Variants in ABCG1 observed in about 807,000 individuals in gnomAD.
ABCG1 encodes the protein ATP binding cassette subfamily G member 1.
A neutral mutation model predicts 69.2 loss-of-function variants in ABCG1; 29 were observed. The ratio of observed to expected loss-of-function variants is 0.42; its 90% CI spans 0.31 to 0.57. The LOEUF is 0.57. ABCG1 is among the 20% of genes least tolerant of loss of function. The probability of loss-of-function intolerance (pLI) is 0.15; values close to 1 mark genes in which losing one functional copy is unlikely to be tolerated. For missense variants in ABCG1, 718 were observed against 898.1 expected (o/e 0.80, Z 2.56); for synonymous variants, 370 against 374.8 (o/e 0.99, Z 0.15).
At chr21:42,218,008 G>C (rs2067661459), upstream of ABCG1, among the ~76,000 whole-genome samples, 1 of 152,080 alleles carries the variant, frequency 6.6e-6, no homozygotes, top group African/African-American at 2.4e-5. Flanking sequence ...CAAAGGCAAG[G>C]CCTCCCACTT....
At chr21:42,248,902 C>A (rs76044094) in intron 2 of ABCG1, among the ~76,000 whole-genome samples, 527 of 90,740 alleles carry the variant, frequency 5.8e-3, no homozygotes, top group South Asian at 0.011. Flanking sequence ...AGACCTCTCT[C>A]AAAAAAAAAA....
chr21:42,229,284 T>C lies in ABCG1; in HGVS notation c.286+3370T>C, dbSNP rs116074544. On this transcript the variant is annotated intron_variant, in intron 2 of 14. Coordinates refer to ENST00000398449, the MANE Select transcript of ABCG1 (RefSeq NM_016818.3). The stretch of plus-strand genomic sequence containing the variant: ...ACTGCTCTCAGTATATTCATTTTGC[T>C]GTCTGTATCAAGTCCATTGTTTTCA... 8.3e-3 allele frequency among the ~76,000 whole-genome samples: 1,270 copies of C among 152,372 alleles called. 20 individuals are homozygous for C. The highest frequency in any genetic ancestry group is 0.029 in the African/African-American group (1,212 of 41,584).
At chr21:42,246,529 T>G (rs116937511) in intron 2 of ABCG1, among the ~76,000 whole-genome samples, 2,919 of 152,364 alleles carry the variant, frequency 0.019, 38 homozygotes, top group South Asian at 0.027. Flanking sequence ...TCATGAGCTT[T>G]TAAGTTTCTT....
At chr21:42,249,190 A>C (rs1416639044) in intron 2 of ABCG1, among the ~76,000 whole-genome samples, 1 of 152,218 alleles carries the variant, frequency 6.6e-6, no homozygotes, top group Non-Finnish European at 1.5e-5. Flanking sequence ...GAGAGTGGGG[A>C]CATCTGGTGA....
chr21:42,264,258 TA>T (rs1356737309), intron 2 of ABCG1, among the ~76,000 whole-genome samples: 2 of 152,266 alleles, frequency 1.3e-5, no homozygotes, highest in African/African-American at 4.8e-5. Context: ...TCTAATGTTC[TA>T]AAAGTGGCTC....
intron 2 of ABCG1, among the ~76,000 whole-genome samples, chr21:42,246,411 A>T (rs564169181): frequency 1.1e-4 from 16 of 152,350 alleles, no homozygotes; most frequent in African/African-American, 3.8e-4. Context: ...AAATAATCTC[A>T]GTCCATGTGC....
At position 42,276,992 on chromosome 21, in the gene ABCG1, C is replaced by T. The variant is rs201964021; in HGVS notation, c.588+47C>T. On this transcript the variant is annotated intron_variant, in intron 5 of 14. Transcript: ENST00000398449. This position sits in a 1 kb window ranked among gnomAD's most constrained non-coding sequence, Gnocchi z 5.3. ...CACAAGTGGTCCAGAAAGTGCATGA[C>T]GTGCATGTGGAAGGTGTGCCTGCCG... 1.2e-4 allele frequency: 199 copies of T among 1,598,656 alleles called. 1 individual carries two copies. The African/African-American group carries it at 2.4e-3, about 20-fold the overall frequency.
Position 42,296,484 on chromosome 21 carries a change from A to G in ABCG1, c.*92A>G, listed in dbSNP as rs2146365415. 1.7e-6 allele frequency: 2 copies of G among 1,169,710 alleles called. No individual in the cohort carries two copies. Among genetic ancestry groups the G allele is most frequent in the South Asian group, 2.6e-5 (2 of 75,638 alleles). 72.5% of individuals were successfully genotyped at this position (1,169,710 alleles called of 1,614,324 possible). On this transcript the variant is annotated 3_prime_UTR_variant, in exon 15 of 15. Coordinates refer to ENST00000398449, the MANE Select transcript of ABCG1 (RefSeq NM_016818.3). The surrounding 1 kb of genome is among the most constrained non-coding windows in gnomAD (Gnocchi z 5.4). ...GGCAAGCCTGTGCCCGACCGACGAC[A>G]CAGAGACTCTTCTGATCCAACCCCT...
chr21:42,202,459 A>C (rs558626192), intron 2 of ABCG1, among the ~76,000 whole-genome samples: 1 of 152,170 alleles, frequency 6.6e-6, no homozygotes, highest in East Asian at 1.9e-4. Flanking sequence ...GAGCAGTGAA[A>C]ACCGGGGGCC....
chr21:42,227,813 G>GTCT (rs1363266710), intron 2 of ABCG1, among the ~76,000 whole-genome samples: 1 of 152,138 alleles, frequency 6.6e-6, no homozygotes, highest in Non-Finnish European at 1.5e-5. Flanking sequence ...AGCAAGGCAT[G>GTCT]TCTTACATGG....
In ABCG1 at chr21:42,276,840, A is replaced by G. The variant is rs191949270; in HGVS notation, c.538-55A>G. 1.0e-3 allele frequency: 1,617 copies of G among 1,588,276 alleles called. 25 individuals carry two copies. The East Asian group carries it at 0.03, about 30-fold the overall frequency. Reference sequence around the variant, plus strand: ...GGCCTGCAGTGCGGGCATGAGGCTCACACTGCCAGTGGCCGTCTGTTCTGC... The same window carrying G: ...GGCCTGCAGTGCGGGCATGAGGCTCGCACTGCCAGTGGCCGTCTGTTCTGC... On this transcript the variant is annotated intron_variant, in intron 4 of 14. Transcript: ENST00000398449. This position sits in a 1 kb window ranked among gnomAD's most constrained non-coding sequence, Gnocchi z 5.3.
chr21:42,256,402 G>A, intron 2 of ABCG1: 2 of 1,550,208 alleles, frequency 1.3e-6, no homozygotes, highest in Non-Finnish European at 8.7e-7. Context: ...CCAGACTGTG[G>A]TGTCTGGTCC....
At chr21:42,214,606 C>T (rs184813247), upstream of ABCG1, among the ~76,000 whole-genome samples, 1,074 of 152,334 alleles carry the variant, frequency 7.1e-3, 11 homozygotes, top group Middle Eastern at 0.01. Context: ...GACGAGGGCA[C>T]GGTGTTCATC....
chr21:42,205,104 G>T (rs2067533393), intron 2 of ABCG1, among the ~76,000 whole-genome samples: 1 of 151,884 alleles, frequency 6.6e-6, no homozygotes, highest in Non-Finnish European at 1.5e-5. Flanking sequence ...TATTCAGTGA[G>T]TTGTAGTTTG....
At chr21:42,236,814 T>G (rs1184251906) in intron 2 of ABCG1, among the ~76,000 whole-genome samples, 1 of 152,234 alleles carries the variant, frequency 6.6e-6, no homozygotes. Context: ...GTTACATTAC[T>G]AAAAACAGTA....
chr21:42,289,341 C>A (rs1963559281), intron 10 of ABCG1, among the ~76,000 whole-genome samples: 1 of 152,134 alleles, frequency 6.6e-6, no homozygotes, highest in South Asian at 2.1e-4. Context: ...AGAGAGAAAC[C>A]AAATGACAGC....
rs921492362 is a variant in ABCG1, at chr21:42,287,998, C to T, written c.1083C>T (p.Ala361=). ...SDHKRDLGGD[A]EVNPFLWHRP... ...ACAAGAGAGACCTCGGGGGTGATGC[C>T]GAGGTGAACCCTTTTCTTTGGCACC... is the stretch of plus-strand genomic sequence containing the variant. Residue 361 remains alanine, a synonymous_variant, in exon 9 of 15, where the codon GCC becomes GCT. Transcript: ENST00000398449. The surrounding 1 kb of genome is among the most constrained non-coding windows in gnomAD (Gnocchi z 6.2). 16 of 1,612,998 alleles carry T rather than the reference C, an allele frequency of 9.9e-6. No individual in the cohort carries two copies. In the East Asian group the frequency reaches 1.1e-4, roughly 11 times the overall value.
intron 2 of ABCG1, among the ~76,000 whole-genome samples, chr21:42,269,585 C>G (rs1298765223): frequency 6.7e-6 from 1 of 150,288 alleles, no homozygotes; most frequent in Non-Finnish European, 1.5e-5. Context: ...CCTCACCCTC[C>G]CTGGGGCGAC....
At chr21:42,248,895 C>CCT in intron 2 of ABCG1, among the ~76,000 whole-genome samples, 1 of 130,170 alleles carries the variant, frequency 7.7e-6, no homozygotes, top group South Asian at 2.4e-4. Flanking sequence ...CAGAGCAAGA[C>CCT]CTCTCTCAAA....
Sources: gnomAD v4.1 joint callset for allele counts (sites outside exome capture counted in the v4.1 genomes callset) on GRCh38, gnomAD v4.1.1 for gene constraint, Gnocchi (gnomAD v3.1) non-coding constraint, MANE v1.5 for transcripts, NCBI Gene and HGNC (gene_info 2026-07-23, HGNC 2026-07-21) for gene names.